PCMT1: variants seen among roughly 807,000 people sequenced by gnomAD.
PCMT1 encodes the protein protein-L-isoaspartate(D-aspartate) O-methyltransferase.
A neutral mutation model predicts 29.2 loss-of-function variants in PCMT1; 9 were observed. That is an observed-to-expected ratio of 0.31 (90% confidence interval 0.19 to 0.54). The LOEUF is 0.54. Ranked by LOEUF, PCMT1 falls within the 20% of genes least tolerant of loss-of-function variation. The pLI is 0.95. For synonymous variants in PCMT1, 98 were observed against 97.5 expected (o/e 1.00, Z -0.03); for missense variants, 184 against 282.2 (o/e 0.65, Z 2.49).
chr6:149,798,651 G>T (rs1377743750), intron 6 of PCMT1, among the ~76,000 whole-genome samples: 1 of 152,190 alleles, frequency 6.6e-6, no homozygotes. Context: ...GACTATACCT[G>T]CAGTCCTGAA....
chr6:149,773,757 G>T (rs893024796), intron 3 of PCMT1, among the ~76,000 whole-genome samples: 1 of 152,052 alleles, frequency 6.6e-6, no homozygotes, highest in South Asian at 2.1e-4. Flanking sequence ...TGTAAAAATT[G>T]AACATAAAAG....
intron 1 of PCMT1, among the ~76,000 whole-genome samples, chr6:149,753,111 C>A (rs1786388207): frequency 2.0e-5 from 3 of 152,086 alleles, no homozygotes; most frequent in African/African-American, 7.2e-5. Flanking sequence ...TAATAGATTT[C>A]TTTTTATTAG....
At chr6:149,779,047 C>A (rs1352263534) in intron 3 of PCMT1, among the ~76,000 whole-genome samples, 1 of 151,590 alleles carries the variant, frequency 6.6e-6, no homozygotes, top group African/African-American at 2.4e-5. Flanking sequence ...CCCACCCCAC[C>A]CCCCCACTCT....
At chr6:149,769,809 C>T (rs1354830507) in intron 1 of PCMT1, among the ~76,000 whole-genome samples, 1 of 120,072 alleles carries the variant, frequency 8.3e-6, no homozygotes, top group Non-Finnish European at 1.6e-5. Flanking sequence ...GGAGACAGGG[C>T]CTATGTTGCC....
At chr6:149,769,738 A>G (rs1387383758) in intron 1 of PCMT1, among the ~76,000 whole-genome samples, 1 of 146,340 alleles carries the variant, frequency 6.8e-6, no homozygotes, top group Non-Finnish European at 1.5e-5. Flanking sequence ...ATTTATGACT[A>G]CATGGTTGTG....
intron 3 of PCMT1, among the ~76,000 whole-genome samples, chr6:149,781,933 A>G (rs111707504): frequency 0.016 from 2,385 of 152,156 alleles, 63 homozygotes; most frequent in African/African-American, 0.055. Context: ...CCTGGCAACC[A>G]CCATTCTATT....
chr6:149,791,039 A>C (rs943538582), intron 4 of PCMT1, among the ~76,000 whole-genome samples: 12 of 152,066 alleles, frequency 7.9e-5, no homozygotes, highest in African/African-American at 2.9e-4. Flanking sequence ...TGGGCTTAGC[A>C]TGGAGAGGGG....
intron 3 of PCMT1, among the ~76,000 whole-genome samples, chr6:149,782,755 T>TA (rs564581773): frequency 2.5e-4 from 37 of 149,282 alleles, no homozygotes; most frequent in South Asian, 8.5e-4. Flanking sequence ...TATGGAGACT[T>TA]AAAAAAAAAC....
intron 3 of PCMT1, among the ~76,000 whole-genome samples, chr6:149,789,102 C>CT (rs1403138365): frequency 8.3e-6 from 1 of 119,910 alleles, no homozygotes; most frequent in East Asian, 2.3e-4. Context: ...GAGATGGAGT[C>CT]TCGCTCTGTT....
chr6:149,755,543 T>C (rs1227138325), intron 1 of PCMT1, among the ~76,000 whole-genome samples: 3 of 152,228 alleles, frequency 2.0e-5, no homozygotes, highest in Non-Finnish European at 4.4e-5. Flanking sequence ...GGGAAACTAC[T>C]GTACTGACCA....
chr6:149,797,041 T>C (rs1788647273), intron 6 of PCMT1: 1 of 152,300 alleles, frequency 6.6e-6, no homozygotes, highest in South Asian at 2.1e-4. Context: ...CTCGAACTCC[T>C]GACCTCGGGT....
intron 6 of PCMT1, chr6:149,797,253 A>G (rs1788653685): frequency 6.6e-6 from 1 of 152,236 alleles, no homozygotes; most frequent in Non-Finnish European, 1.5e-5. Context: ...CTGGGAAATT[A>G]GCGATATGAT....
chr6:149,784,283 T>C (rs1321732100), intron 3 of PCMT1, among the ~76,000 whole-genome samples: 4 of 152,218 alleles, frequency 2.6e-5, no homozygotes, highest in Admixed American at 1.3e-4. Flanking sequence ...CTTTAACTTT[T>C]TAAAAATTCT....
At chr6:149,804,897 C>T (rs1775962797) in intron 7 of PCMT1, among the ~76,000 whole-genome samples, 1 of 151,932 alleles carries the variant, frequency 6.6e-6, no homozygotes, top group East Asian at 1.9e-4. Context: ...ACCTTAGGCC[C>T]CCACAAAACC....
intron 3 of PCMT1, among the ~76,000 whole-genome samples, chr6:149,788,622 G>T (rs553840980): frequency 6.6e-6 from 1 of 152,348 alleles, no homozygotes; most frequent in Non-Finnish European, 1.5e-5. Context: ...TTTGATGTCA[G>T]TGTGTCCCAT....
intron 5 of PCMT1, 129 bp downstream of exon 5, chr6:149,793,798 TAAAA>T: frequency 1.3e-6 from 1 of 759,404 alleles, no homozygotes; most frequent in Non-Finnish European, 1.9e-6. Flanking sequence ...TACTAAAAAA[TAAAA>T]ACGATTATTT....
intron 6 of PCMT1, among the ~76,000 whole-genome samples, chr6:149,800,740 TTATCCC>T (rs1225154103): frequency 3.3e-5 from 5 of 152,164 alleles, no homozygotes; most frequent in Admixed American, 1.3e-4. Flanking sequence ...TAGGGTTCCC[TTATCCC>T]TTCAGTGATG....
intron 6 of PCMT1, 38 bp from the exon 7 acceptor site, chr6:149,802,162 A>T (rs749082197): frequency 1.5e-6 from 2 of 1,346,258 alleles, no homozygotes; most frequent in South Asian, 2.7e-5. Context: ...TAAAATCTGT[A>T]ACTTGGTGAT....
intron 3 of PCMT1, among the ~76,000 whole-genome samples, chr6:149,788,758 G>A (rs937689285): frequency 6.6e-6 from 1 of 151,996 alleles, no homozygotes; most frequent in Non-Finnish European, 1.5e-5. Flanking sequence ...AATTATCTGG[G>A]GCAAACCCTT....
Sources: gnomAD v4.1 joint callset for allele counts (sites outside exome capture counted in the v4.1 genomes callset) on GRCh38, gnomAD v4.1.1 for gene constraint, MANE v1.5 for transcripts, NCBI Gene and HGNC (gene_info 2026-07-23, HGNC 2026-07-21) for gene names.